DLG2: variants seen among roughly 807,000 people sequenced by gnomAD.
DLG2 encodes disks large homolog 2.
DLG2 carries 45 observed loss-of-function variants against 132.5 expected under a neutral mutation model. The ratio of observed to expected loss-of-function variants is 0.34; its 90% CI spans 0.27 to 0.44. DLG2 has a LOEUF of 0.44. Ranked by LOEUF, DLG2 falls within the 20% of genes least tolerant of loss-of-function variation. The pLI is 1.00. For synonymous variants in DLG2, 424 were observed against 419.6 expected, an observed-to-expected ratio of 1.01 and a Z score of -0.13; for missense variants, 1,045 against 1,196.9, an observed-to-expected ratio of 0.87 and a Z score of 1.87.
At chr11:84,501,573 A>AT (rs1176074213) in intron 7 of DLG2, among the ~76,000 whole-genome samples, 1 of 152,228 alleles carries the variant, frequency 6.6e-6, no homozygotes, top group East Asian at 1.9e-4. Flanking sequence ...TCTAAAAAAA[A>AT]GAAGAAAAAA....
At chr11:84,538,441 A>G (rs2099360656) in intron 6 of DLG2, among the ~76,000 whole-genome samples, 1 of 152,250 alleles carries the variant, frequency 6.6e-6, no homozygotes, top group South Asian at 2.1e-4. Flanking sequence ...GGATGTCCAC[A>G]GGAGTCATAT....
intron 18 of DLG2, among the ~76,000 whole-genome samples, chr11:83,734,202 A>G (rs1165673848): frequency 6.6e-6 from 1 of 152,124 alleles, no homozygotes; most frequent in African/African-American, 2.4e-5. Flanking sequence ...TTTGTTGCCC[A>G]CACTATTCAT....
intron 4 of DLG2, among the ~76,000 whole-genome samples, chr11:85,173,063 G>A (rs1156301380): frequency 2.0e-5 from 3 of 152,138 alleles, no homozygotes; most frequent in African/African-American, 4.8e-5. Flanking sequence ...ATATCATCCA[G>A]GAGAACTTCC....
At position 84,364,339 on chromosome 11, in the gene DLG2, G is replaced by A. The variant is rs2098668830; in HGVS notation, c.520-113048C>T. Among the ~76,000 whole-genome samples the A allele has an allele frequency of 2.0e-5, 3 of 152,238 alleles. No individual in the cohort carries two copies. In the South Asian group the frequency reaches 6.2e-4, roughly 32 times the overall value. On this transcript the variant is annotated intron_variant, in intron 7 of 27. Transcript: ENST00000376104. ...CTGTTATTTGTGTATAAGAATGCTT[G>A]TGATTTTTGTACATTGATTTTGTAT...
chr11:83,741,733 G>A (rs2092529152), intron 18 of DLG2, among the ~76,000 whole-genome samples: 1 of 152,064 alleles, frequency 6.6e-6, no homozygotes, highest in South Asian at 2.1e-4. Flanking sequence ...TACTGGCTGG[G>A]TGCAGTGGGT....
intron 7 of DLG2, among the ~76,000 whole-genome samples, chr11:84,383,470 G>T (rs1314582027): frequency 1.3e-5 from 2 of 151,742 alleles, no homozygotes; most frequent in Non-Finnish European, 2.9e-5. Context: ...ACATTAAATG[G>T]CAAAAAAGAT....
At chr11:85,596,663 G>A (rs1028188277) in intron 3 of DLG2, among the ~76,000 whole-genome samples, 2 of 152,150 alleles carry the variant, frequency 1.3e-5, no homozygotes, top group African/African-American at 4.8e-5. Context: ...GTAGGATGGG[G>A]TGGGGGAGTT....
At chr11:84,884,211 T>G (rs549089538) in intron 6 of DLG2, among the ~76,000 whole-genome samples, 6 of 152,226 alleles carry the variant, frequency 3.9e-5, no homozygotes, top group African/African-American at 1.4e-4. Context: ...AGCTTTTAAT[T>G]TTAAGTGACC....
rs181038021 is a variant in DLG2, at chr11:84,519,107, C to T, written c.519+15463G>A. 4.6e-3 allele frequency among the ~76,000 whole-genome samples: 703 copies of T among 152,248 alleles called. 10 individuals carry two copies. The highest frequency in any genetic ancestry group is 0.016 in the African/African-American group (657 of 41,548). ...AAAGTGAAATGTTATGAGTTAGCTA[C>T]TCTTAAAATTTCAAACCCAGCAATT... On this transcript the variant is annotated intron_variant, in intron 7 of 27. Transcript: ENST00000376104.
chr11:84,401,189 G>T (rs1298291095), intron 7 of DLG2, among the ~76,000 whole-genome samples: 1 of 152,116 alleles, frequency 6.6e-6, no homozygotes, highest in Non-Finnish European at 1.5e-5. Context: ...GACCTGCATA[G>T]ACCAGCTTCC....
At chr11:84,436,830 T>C in intron 7 of DLG2, among the ~76,000 whole-genome samples, 1 of 152,182 alleles carries the variant, frequency 6.6e-6, no homozygotes, top group Non-Finnish European at 1.5e-5. Context: ...ATTATAAATA[T>C]AATTCTTGCT....
chr11:84,938,785 G>T (rs1407333809), intron 6 of DLG2, among the ~76,000 whole-genome samples: 3 of 152,164 alleles, frequency 2.0e-5, no homozygotes, highest in Non-Finnish European at 4.4e-5. Context: ...CACAGGAAAT[G>T]AGAGCAATAA....
chr11:85,549,374 G>A (rs576936121), intron 3 of DLG2, among the ~76,000 whole-genome samples: 7 of 152,208 alleles, frequency 4.6e-5, no homozygotes, highest in African/African-American at 7.2e-5. Flanking sequence ...GAAATCACCC[G>A]CCTTCTGCAT....
intron 3 of DLG2, among the ~76,000 whole-genome samples, chr11:85,314,545 G>A (rs887391851): frequency 3.4e-4 from 51 of 151,824 alleles, no homozygotes; most frequent in African/African-American, 1.2e-4. Flanking sequence ...TGATAGTGGT[G>A]TGTCTTAGCT....
intron 6 of DLG2, among the ~76,000 whole-genome samples, chr11:85,008,705 T>C (rs916927406): frequency 7.2e-5 from 11 of 152,086 alleles, no homozygotes; most frequent in Admixed American, 6.5e-4. Flanking sequence ...TCTTACTATA[T>C]GCCAGCACTT....
chr11:85,022,496 A>C (rs1452728359), intron 6 of DLG2, among the ~76,000 whole-genome samples: 1 of 152,114 alleles, frequency 6.6e-6, no homozygotes, highest in Non-Finnish European at 1.5e-5. Flanking sequence ...TAAACTAGGA[A>C]CTATAAAACA....
At chr11:83,701,822 A>C (rs1357317988) in intron 18 of DLG2, among the ~76,000 whole-genome samples, 1 of 152,162 alleles carries the variant, frequency 6.6e-6, no homozygotes, top group East Asian at 1.9e-4. Flanking sequence ...GGTCCCAGAG[A>C]ACAAGTGAGC....
At chr11:84,783,465 T>G (rs573953405) in intron 6 of DLG2, among the ~76,000 whole-genome samples, 2 of 152,336 alleles carry the variant, frequency 1.3e-5, no homozygotes, top group East Asian at 3.9e-4. Flanking sequence ...AAGCATTTTC[T>G]GTTCTCCAAG....
In DLG2 at chr11:83,930,354, G is replaced by T; in HGVS notation, c.1470C>A (p.Gly490=). The T allele has an allele frequency of 6.2e-7, 1 of 1,613,992 alleles. No homozygotes were observed. Among genetic ancestry groups the T allele is most frequent in the Non-Finnish European group, 8.5e-7 (1 of 1,179,916 alleles). ...LSAPYSHYHL[G]LLPDSEMTSH... is the part of the protein sequence containing the mutation. The stretch of plus-strand genomic sequence containing the variant: ...TGGTCATCTCAGAGTCAGGTAGCAG[G>T]CCTAGGTGGTAGTGGGAATAGGGAG... Residue 490 remains glycine, a synonymous_variant, in exon 15 of 28, where the codon GGC becomes GGA. Transcript: ENST00000376104.
Sources: allele counts gnomAD v4.1 joint callset (sites outside exome capture counted in the v4.1 genomes callset), GRCh38; gene constraint gnomAD v4.1.1; transcripts MANE v1.5; gene names NCBI Gene and HGNC (gene_info 2026-07-23, HGNC 2026-07-21).